The following ADGB variants were observed in gnomAD, a reference collection of about 807,000 sequenced individuals.
ADGB encodes the protein calpain-7-like protein.
In ADGB, 172 loss-of-function variants were observed where a neutral mutation model predicts 210.5. The ratio of observed to expected loss-of-function variants is 0.82; its 90% CI spans 0.72 to 0.93. The LOEUF is 0.93. Ranked by LOEUF, ADGB falls within the 40% of genes least tolerant of loss-of-function variation. The pLI, the probability that ADGB is intolerant of heterozygous loss-of-function variation, is 0.00. For missense variants in ADGB, 2,025 were observed against 1,964.8 expected (o/e 1.03, Z -0.58); for synonymous variants, 658 against 662.7 (o/e 0.99, Z 0.11).
chr6:146,814,961 A>G (rs1778361281), intron 35 of ADGB, 71 bp from the exon 36 acceptor site: 2 of 1,433,576 alleles, frequency 1.4e-6, no homozygotes, highest in South Asian at 1.4e-5. Context: ...AAGGAATTTC[A>G]TTTTTTTCTT....
intron 1 of ADGB, among the ~76,000 whole-genome samples, chr6:146,620,464 C>G (rs573013818): frequency 1.3e-5 from 2 of 151,972 alleles, no homozygotes; most frequent in Admixed American, 6.6e-5. Context: ...GTTTTCTTCA[C>G]TCACTTTTAT....
At chr6:146,789,853 A>G (rs1373568899) in intron 33 of ADGB, among the ~76,000 whole-genome samples, 1 of 152,200 alleles carries the variant, frequency 6.6e-6, no homozygotes, top group Non-Finnish European at 1.5e-5. Flanking sequence ...AAACTGATGC[A>G]GTTTGGCTAG....
chr6:146,753,847 G>GT (rs567328811), intron 27 of ADGB, among the ~76,000 whole-genome samples: 3 of 151,592 alleles, frequency 2.0e-5, no homozygotes, highest in Non-Finnish European at 4.4e-5. Context: ...ATCTCTATGA[G>GT]TTTTTTTCTC....
In ADGB at chr6:146,801,853, C is replaced by T; in HGVS notation, c.4660C>T (p.Gln1554Ter). Residue 1554 changes from glutamine to a stop codon, truncating the protein, a stop_gained, in exon 35 of 36, where the codon CAA becomes TAA. Coordinates refer to ENST00000397944, the MANE Select transcript of ADGB (RefSeq NM_024694.4). LOFTEE classifies it high-confidence loss of function. ...VRKTDTDPLL[Q>*]TDELNQQQAM... ...GAAAACAGATACAGATCCTCTGCTG[C>T]AAACAGATGAATTGAATCAGCAGCA... 1 of 1,546,926 alleles carries T rather than the reference C, an allele frequency of 6.5e-7. No individual in the cohort carries two copies. Among genetic ancestry groups the T allele is most frequent in the Non-Finnish European group, 8.7e-7 (1 of 1,144,744 alleles).
chr6:146,665,040 C>T (rs1283253193), intron 6 of ADGB, among the ~76,000 whole-genome samples: 1 of 152,016 alleles, frequency 6.6e-6, no homozygotes, highest in Admixed American at 6.6e-5. Flanking sequence ...GCAATTTTGC[C>T]TCATTGCTCA....
chr6:146,701,820 A>C (rs983565340), intron 13 of ADGB, among the ~76,000 whole-genome samples: 3 of 152,008 alleles, frequency 2.0e-5, no homozygotes, highest in African/African-American at 7.2e-5. Flanking sequence ...TTACCTAGCT[A>C]TATAGGTCAC....
intron 20 of ADGB, among the ~76,000 whole-genome samples, chr6:146,731,083 AGG>A: frequency 6.6e-6 from 1 of 152,284 alleles, no homozygotes; most frequent in Admixed American, 6.5e-5. Context: ...TATTTTTCGT[AGG>A]GAGTGATTAA....
intron 13 of ADGB, among the ~76,000 whole-genome samples, chr6:146,713,022 T>C (rs1776681315): frequency 6.6e-6 from 1 of 152,208 alleles, no homozygotes; most frequent in African/African-American, 2.4e-5. Flanking sequence ...TTTTTGTGAT[T>C]GACTTATTTC....
rs1307162457 is a variant in ADGB, at chr6:146,724,333, A to C, written c.2237+6A>C. On this transcript the variant is annotated splice_donor_region_variant and intron_variant, in intron 18 of 35. Transcript: ENST00000397944. ...GTGGTTCGTCTGCCTGTTGGGTATG[A>C]AGTGGCTTCATTTTTCCCATAATAA... is the stretch of plus-strand genomic sequence containing the variant. 2.0e-6 allele frequency: 3 copies of C among 1,503,366 alleles called. No homozygotes were observed. The highest frequency in any genetic ancestry group is 2.7e-6 in the Non-Finnish European group (3 of 1,128,028). The allele number at this position is 1,503,366 out of a possible 1,614,324, so 93.1% of individuals were successfully genotyped here.
chr6:146,801,346 T>G, intron 34 of ADGB, 67 bp downstream of exon 34: 1 of 1,018,362 alleles, frequency 9.8e-7, no homozygotes, highest in Non-Finnish European at 1.3e-6. Flanking sequence ...ATTAAAATAC[T>G]TAAATGTTTT....
intron 9 of ADGB, among the ~76,000 whole-genome samples, chr6:146,676,723 C>A (rs571345424): frequency 6.6e-6 from 1 of 152,208 alleles, no homozygotes; most frequent in South Asian, 2.1e-4. Context: ...AAAAAATACT[C>A]AGGTTGAATT....
intron 29 of ADGB, among the ~76,000 whole-genome samples, chr6:146,777,707 A>C (rs1777740084): frequency 6.6e-6 from 1 of 152,204 alleles, no homozygotes; most frequent in Admixed American, 6.5e-5. Context: ...TTGAATCCTA[A>C]GTCATTGGCA....
intron 3 of ADGB, among the ~76,000 whole-genome samples, chr6:146,648,638 C>T (rs1292155520): frequency 6.6e-6 from 1 of 151,982 alleles, no homozygotes. Context: ...AGAAATCTGC[C>T]CCCATGATCC....
intron 5 of ADGB, among the ~76,000 whole-genome samples, chr6:146,657,481 A>T (rs934579698): frequency 6.6e-6 from 1 of 152,184 alleles, no homozygotes; most frequent in Non-Finnish European, 1.5e-5. Context: ...GTAATTTGTG[A>T]TTAATGAGAA....
chr6:146,697,986 G>A (rs1160468255), intron 12 of ADGB, among the ~76,000 whole-genome samples: 15 of 152,208 alleles, frequency 9.9e-5, no homozygotes, highest in Admixed American at 8.5e-4. Flanking sequence ...CACAAATTAC[G>A]TGGTTAGTTT....
At chr6:146,773,142 A>T (rs1008401401) in intron 29 of ADGB, among the ~76,000 whole-genome samples, 2 of 152,128 alleles carry the variant, frequency 1.3e-5, no homozygotes, top group Non-Finnish European at 2.9e-5. Context: ...AGATTCAGAA[A>T]TGTTTCCTCT....
At chr6:146,708,034 G>A (rs1776601257) in intron 13 of ADGB, among the ~76,000 whole-genome samples, 1 of 152,124 alleles carries the variant, frequency 6.6e-6, no homozygotes, top group South Asian at 2.1e-4. Flanking sequence ...TCTTATGGCT[G>A]TAACGGCATA....
intron 33 of ADGB, among the ~76,000 whole-genome samples, chr6:146,797,140 CA>C (rs1236914406): frequency 3.3e-5 from 5 of 152,072 alleles, no homozygotes; most frequent in Non-Finnish European, 5.9e-5. Flanking sequence ...ATCAAAACCA[CA>C]ATGTGATACT....
intron 9 of ADGB, among the ~76,000 whole-genome samples, chr6:146,677,998 A>G (rs941533001): frequency 1.3e-5 from 2 of 152,192 alleles, no homozygotes; most frequent in Non-Finnish European, 2.9e-5. Context: ...AATGAACTCT[A>G]TTGGAGTCCT....
Sources: gnomAD v4.1 joint callset for allele counts (sites outside exome capture counted in the v4.1 genomes callset) on GRCh38, gnomAD v4.1.1 for gene constraint, MANE v1.5 for transcripts, NCBI Gene and HGNC (gene_info 2026-07-23, HGNC 2026-07-21) for gene names.